The following USP6 variants were observed in gnomAD, a reference collection of about 807,000 sequenced individuals.
The protein encoded by USP6 is ubiquitin carboxyl-terminal hydrolase 6.
In USP6, 128 loss-of-function variants were observed where a neutral mutation model predicts 175.7. That is an observed-to-expected ratio of 0.73 (90% CI 0.63 to 0.84). The LOEUF is 0.84. Among genes scored for constraint, USP6 ranks in the 40% least tolerant of loss-of-function variants. USP6 has a pLI of 0.00. For missense variants in USP6, 1,498 were observed against 1,760.3 expected (o/e 0.85, Z 2.67); for synonymous variants, 562 against 630.6 (o/e 0.89, Z 1.63).
intron 33 of USP6, among the ~76,000 whole-genome samples, chr17:5,163,314 A>C (rs1223907424): frequency 2.0e-5 from 3 of 152,226 alleles, no homozygotes; most frequent in Non-Finnish European, 4.4e-5. Flanking sequence ...AAGTTCAAGG[A>C]CATGGTCCTG....
At position 5,132,602 on chromosome 17, in the gene USP6, T is replaced by C. The variant is rs1412597066; in HGVS notation, c.195+167T>C. On this transcript the variant is annotated intron_variant, in intron 12 of 37. Transcript: ENST00000574788. This position sits in a 1 kb window ranked among gnomAD's most constrained non-coding sequence, Gnocchi z 4.7. ...CCCAAGTTGCTGTAACTTTGGCAGTTTGATAAAATTCCAAAGTGAGAACCA... is the reference window on the plus strand; with the variant it reads ...CCCAAGTTGCTGTAACTTTGGCAGTCTGATAAAATTCCAAAGTGAGAACCA... 6.6e-6 allele frequency among the ~76,000 whole-genome samples: 1 copy of C among 152,120 alleles called. No individual in the cohort carries two copies. The highest frequency in any genetic ancestry group is 2.4e-5 in the African/African-American group (1 of 41,426).
At chr17:5,165,623 T>G (rs1213463450) in intron 33 of USP6, among the ~76,000 whole-genome samples, 5 of 151,816 alleles carry the variant, frequency 3.3e-5, no homozygotes, top group Non-Finnish European at 7.4e-5. Flanking sequence ...GAAAAAAAAA[T>G]TAAACTAGAC....
chr17:5,119,093 A>G lies in USP6; in HGVS notation c.-1837+803A>G, dbSNP rs116456244. 7.4e-3 allele frequency among the ~76,000 whole-genome samples: 1,122 copies of G among 152,264 alleles called. 21 individuals are homozygous for G. Among genetic ancestry groups the G allele is most frequent in the African/African-American group, 0.025 (1,038 of 41,532 alleles). On this transcript the variant is annotated intron_variant, in intron 2 of 37. Transcript: ENST00000574788. The stretch of plus-strand genomic sequence containing the variant: ...TTTCTCAACTTCATGTCCTGCCTCT[A>G]TCACTATCAAGTATTTATATGAAGA...
intron 31 of USP6, among the ~76,000 whole-genome samples, chr17:5,159,933 C>T (rs965791478): frequency 2.0e-5 from 3 of 147,814 alleles, no homozygotes; most frequent in African/African-American, 5.0e-5. Flanking sequence ...TACTGCACTC[C>T]AGCCTGGGCA....
chr17:5,116,222 T>C lies in USP6; in HGVS notation c.-2446T>C, dbSNP rs2072533208. ...CCGCGGGCAGCGCTCGAGACGCTCATTGAGAGGACTTCCCGCCTGCGGGCT... is the reference window on the plus strand; with the variant it reads ...CCGCGGGCAGCGCTCGAGACGCTCACTGAGAGGACTTCCCGCCTGCGGGCT... On this transcript the variant is annotated 5_prime_UTR_variant, in exon 1 of 38. Coordinates refer to ENST00000574788, the MANE Select transcript of USP6 (RefSeq NM_001304284.2). 1.4e-5 allele frequency among the ~76,000 whole-genome samples: 2 copies of C among 138,588 alleles called. No homozygotes were observed. The highest frequency in any genetic ancestry group is 4.3e-4 in the South Asian group (2 of 4,636). 90.9% of individuals were successfully genotyped at this position (138,588 alleles called of 152,430 possible). A position where few individuals can be genotyped will look rare whatever the true frequency, so the allele number is the denominator to read the frequency against.
intron 2 of USP6, among the ~76,000 whole-genome samples, chr17:5,120,380 G>A (rs1232660502): frequency 6.6e-6 from 1 of 152,142 alleles, no homozygotes; most frequent in Non-Finnish European, 1.5e-5. Context: ...GCACTTGTTG[G>A]GGATGGGTGA....
Position 5,125,933 on chromosome 17 carries a change from G to A in USP6, c.-479G>A, listed in dbSNP as rs2072881892. The A allele has an allele frequency of 6.6e-6, 1 of 152,100 alleles. No homozygotes were observed. The highest frequency in any genetic ancestry group is 2.4e-5 in the African/African-American group (1 of 41,404). The allele number at this position is 152,100 out of a possible 1,614,324, so 9.4% of individuals were successfully genotyped here. On this transcript the variant is annotated 5_prime_UTR_variant, in exon 6 of 38. It removes an upstream start codon present in the reference 5' UTR. Coordinates refer to ENST00000574788, the MANE Select transcript of USP6 (RefSeq NM_001304284.2). Reference sequence around the variant, plus strand: ...TGGGACTACAGGCATGTGCCACCATGCCTGGGTAATTCTGTATTTTTAGTA... The same window carrying A: ...TGGGACTACAGGCATGTGCCACCATACCTGGGTAATTCTGTATTTTTAGTA...
chr17:5,130,648 G>T lies in USP6; in HGVS notation c.119G>T (p.Gly40Val). 6.2e-7 allele frequency: 1 copy of T among 1,613,940 alleles called. No homozygotes were observed. Among genetic ancestry groups the T allele is most frequent in the Non-Finnish European group, 8.5e-7 (1 of 1,179,834 alleles). Residue 40 changes from glycine (G) to valine (V), a missense_variant, in exon 11 of 38, where the codon GGA becomes GTA. By Grantham distance (109) the Gly-to-Val change is moderately radical. This residue lies in a region of USP6 where 281 missense variants were observed against 259.6 expected (regional missense o/e 1.08). Coordinates refer to ENST00000574788, the MANE Select transcript of USP6 (RefSeq NM_001304284.2). ...GAGGACAAGGGGCCTGAGCCCGTTG[G>T]AATCAACAGCAGCATTGATCGTTTT... ...LPEDKGPEPV[G>V]INSSIDRFGI...
rs147038043 is a variant in USP6, at chr17:5,135,294, C to A, written c.543+12C>A. ...CGGAGTATAACCCGGTGAGTATTCC[C>A]GGCAGTGAGGTTCCCAGGCTGTATT... On this transcript the variant is annotated intron_variant, in intron 16 of 37. Transcript: ENST00000574788. The A allele has an allele frequency of 6.2e-7, 1 of 1,612,198 alleles. No individual in the cohort carries two copies. Among genetic ancestry groups the A allele is most frequent in the East Asian group, 2.2e-5 (1 of 44,824 alleles).
In USP6 at chr17:5,174,482, T is replaced by C. The variant is rs1345641938; in HGVS notation, c.*1504T>C. The C allele has an allele frequency of 4.2e-5, 8 of 190,424 alleles. No homozygotes were observed. The highest frequency in any genetic ancestry group is 6.2e-5 in the Admixed American group (1 of 16,252). The allele number at this position is 190,424 out of a possible 1,614,324, so 11.8% of individuals were successfully genotyped here. On this transcript the variant is annotated 3_prime_UTR_variant, in exon 38 of 38. Transcript: ENST00000574788. ...AGGTTATCTTAAATGGCTACCTAAA[T>C]TGAAATCCTTTTCAGAAAAAATATA...
At chr17:5,133,664 A>T in intron 14 of USP6, 114 bp downstream of exon 14, 1 of 1,198,938 alleles carries the variant, frequency 8.3e-7, no homozygotes, top group South Asian at 1.3e-5. Context: ...GGATGGTTAG[A>T]TGCACATCCT....
At chr17:5,156,329 CAG>C (rs1269609254) in intron 31 of USP6, among the ~76,000 whole-genome samples, 2 of 149,486 alleles carry the variant, frequency 1.3e-5, no homozygotes, top group Non-Finnish European at 3.0e-5. Flanking sequence ...TTCTTTATGA[CAG>C]AGTTTTGCTC....
chr17:5,143,659 T>G, intron 25 of USP6, among the ~76,000 whole-genome samples: 1 of 151,628 alleles, frequency 6.6e-6, no homozygotes. Context: ...CCAGAGACCT[T>G]TGTTCACTTG....
rs755039429 is a variant in USP6 at position 5,132,298 on chromosome 17, G to C, written c.156-98G>C. On this transcript the variant is annotated intron_variant, in intron 11 of 37. Transcript: ENST00000574788. The surrounding 1 kb of genome is among the most constrained non-coding windows in gnomAD (Gnocchi z 4.7). ...TTCTCCCGGGCTGAGCCCTGAGCTGGATAGGGACAGAGCCAGTCCTTTCTG... is the reference window on the plus strand; with the variant it reads ...TTCTCCCGGGCTGAGCCCTGAGCTGCATAGGGACAGAGCCAGTCCTTTCTG... 13 of 1,610,758 alleles carry C rather than the reference G, an allele frequency of 8.1e-6. No individual in the cohort carries two copies. Among genetic ancestry groups the C allele is most frequent in the Non-Finnish European group, 9.3e-6 (11 of 1,178,924 alleles).
At chr17:5,161,994 A>G (rs1271557041) in intron 32 of USP6, among the ~76,000 whole-genome samples, 3 of 152,184 alleles carry the variant, frequency 2.0e-5, no homozygotes, top group African/African-American at 7.2e-5. Flanking sequence ...CCTGGGCAAC[A>G]AGAGTGAAAC....
chr17:5,166,430 A>C lies in USP6; in HGVS notation c.3037-1502A>C, dbSNP rs565540585. ...TCGCCTGAAAACCCATGCTAAGCTG[A>C]ATGTCTTGAGCTGTGCCAATTTGTA... On this transcript the variant is annotated intron_variant, in intron 33 of 37. Coordinates refer to ENST00000574788, the MANE Select transcript of USP6 (RefSeq NM_001304284.2). Among the ~76,000 whole-genome samples the C allele has an allele frequency of 3.0e-4, 46 of 152,206 alleles. No homozygotes were observed. In the East Asian group the frequency reaches 7.9e-3, roughly 26 times the overall value.
At chr17:5,136,067 G>C in intron 17 of USP6, 139 bp downstream of exon 17, 1 of 1,492,278 alleles carries the variant, frequency 6.7e-7, no homozygotes, top group Non-Finnish European at 8.9e-7. Flanking sequence ...CTCTGCTGAG[G>C]GTCCCACAGG....
chr17:5,127,798 A>G (rs567699944), intron 7 of USP6, among the ~76,000 whole-genome samples, 159 bp downstream of exon 7: 2 of 152,212 alleles, frequency 1.3e-5, no homozygotes, highest in African/African-American at 4.8e-5. Flanking sequence ...CCATCTCTAG[A>G]TTATTCATTA....
chr17:5,138,409 A>G (rs2289101), intron 21 of USP6, 136 bp downstream of exon 21: 160,988 of 1,493,768 alleles, frequency 0.11, 9,680 homozygotes, highest in African/African-American at 0.17. Context: ...CTGGACTCTA[A>G]GAAAGTACAG....
Sources: allele counts gnomAD v4.1 joint callset (sites outside exome capture counted in the v4.1 genomes callset), GRCh38; gene constraint gnomAD v4.1.1; regional missense constraint gnomAD v4.1.1; non-coding constraint Gnocchi (gnomAD v3.1); transcripts MANE v1.5; gene names NCBI Gene and HGNC (gene_info 2026-07-23, HGNC 2026-07-21).